RB1CC1: variants seen among roughly 807,000 people sequenced by gnomAD.
RB1CC1 encodes RB1 inducible coiled-coil 1.
RB1CC1 carries 46 observed loss-of-function variants against 177.5 expected under a neutral mutation model. The observed-to-expected ratio is 0.26, with a 90% CI of 0.20 to 0.33. The LOEUF is 0.33. Among genes scored for constraint, RB1CC1 ranks in the 10% least tolerant of loss-of-function variants. RB1CC1 has a pLI of 1.00. For missense variants in RB1CC1, 1,703 were observed against 1,816.3 expected (o/e 0.94, Z 1.13); for synonymous variants, 666 against 613.6 (o/e 1.09, Z -1.26).
chr8:52,649,441 T>A (rs1850366988), intron 15 of RB1CC1, among the ~76,000 whole-genome samples: 1 of 152,170 alleles, frequency 6.6e-6, no homozygotes, highest in South Asian at 2.1e-4. Context: ...AAAATTTACA[T>A]TGAACATAAA....
intron 1 of RB1CC1, among the ~76,000 whole-genome samples, chr8:52,707,021 G>C (rs1235189925): frequency 1.3e-5 from 2 of 152,086 alleles, no homozygotes; most frequent in Non-Finnish European, 2.9e-5. Context: ...ATGAGATTTG[G>C]AATCAAAAGA....
chr8:52,658,506 G>A (rs1370264020), intron 13 of RB1CC1, among the ~76,000 whole-genome samples: 1 of 149,876 alleles, frequency 6.7e-6, no homozygotes. Context: ...GAACATGGGA[G>A]GTGAAGGTTG....
chr8:52,681,611 G>C (rs756361208), intron 5 of RB1CC1, among the ~76,000 whole-genome samples: 13 of 152,122 alleles, frequency 8.5e-5, no homozygotes, highest in Non-Finnish European at 1.8e-4. Flanking sequence ...AAAGAGGGCA[G>C]GCATGGTGGC....
intron 8 of RB1CC1, among the ~76,000 whole-genome samples, chr8:52,662,642 A>G (rs1315819257): frequency 6.6e-6 from 1 of 152,038 alleles, no homozygotes; most frequent in African/African-American, 2.4e-5. Context: ...ATGACCAGCT[A>G]AAGGACAAGT....
At chr8:52,651,431 A>T (rs1850574474) in intron 15 of RB1CC1, among the ~76,000 whole-genome samples, 1 of 152,246 alleles carries the variant, frequency 6.6e-6, no homozygotes, top group African/African-American at 2.4e-5. Context: ...GGCCCACAAA[A>T]CTTAAACTAC....
chr8:52,641,319 G>C (rs1849554236), intron 18 of RB1CC1, among the ~76,000 whole-genome samples: 1 of 148,804 alleles, frequency 6.7e-6, no homozygotes, highest in Non-Finnish European at 1.5e-5. Context: ...AGGAGGCGGA[G>C]GTTGCAGTGA....
chr8:52,689,128 A>G (rs1854575866), intron 1 of RB1CC1, among the ~76,000 whole-genome samples: 1 of 152,068 alleles, frequency 6.6e-6, no homozygotes, highest in Admixed American at 6.5e-5. Context: ...ACAAATCCAA[A>G]TCAATCTCCT....
At chr8:52,637,268 C>T (rs1401686835) in intron 18 of RB1CC1, among the ~76,000 whole-genome samples, 6 of 152,190 alleles carry the variant, frequency 3.9e-5, no homozygotes, top group South Asian at 2.1e-4. Context: ...AAGTATTGAA[C>T]TTCTTTTGTT....
chr8:52,637,878 C>G (rs928418365), intron 18 of RB1CC1, among the ~76,000 whole-genome samples: 1 of 152,076 alleles, frequency 6.6e-6, no homozygotes, highest in Non-Finnish European at 1.5e-5. Context: ...ACCATGTTGG[C>G]CAGGCTGATC....
At chr8:52,636,174 G>T (rs1214945411) in intron 18 of RB1CC1, 105 bp from the exon 19 acceptor site, 1 of 1,282,004 alleles carries the variant, frequency 7.8e-7, no homozygotes, top group Non-Finnish European at 1.0e-6. Context: ...CAATTTAAGG[G>T]TTTTCATAAA....
At position 52,707,056 on chromosome 8, in the gene RB1CC1, G is replaced by A. The variant is rs116587813; in HGVS notation, c.-167+7019C>T. On this transcript the variant is annotated intron_variant, in intron 1 of 23. Transcript: ENST00000025008. ...AAGTATATTCAAGTCCTGGCCCAAT[G>A]TGACCTGAACTGACTTCACCTAACA... Among the ~76,000 whole-genome samples, 926 of 152,318 alleles carry A rather than the reference G, an allele frequency of 6.1e-3. 12 individuals are homozygous for A. Among genetic ancestry groups the A allele is most frequent in the African/African-American group, 0.022 (898 of 41,576 alleles).
chr8:52,657,087 A>T lies in RB1CC1; in HGVS notation c.2742T>A (p.Ala914=), dbSNP rs1162057459. 6.2e-7 allele frequency: 1 copy of T among 1,611,060 alleles called. No individual in the cohort carries two copies. Among genetic ancestry groups the T allele is most frequent in the Admixed American group, 1.7e-5 (1 of 59,390 alleles). Residue 914 remains alanine (A), a synonymous_variant, in exon 15 of 24, where the codon GCT becomes GCA. Coordinates refer to ENST00000025008, the MANE Select transcript of RB1CC1 (RefSeq NM_014781.5). ...EVLQNKDNEF[A]LVKHEKEAVI... ...CAGCTTCTTTTTCATGTTTAACCAA[A>T]GCAAATTCATTATCTTTATTTTGTA...
chr8:52,703,882 CA>C (rs111265405), intron 1 of RB1CC1, among the ~76,000 whole-genome samples: 6,153 of 152,150 alleles, frequency 0.04, 429 homozygotes, highest in African/African-American at 0.14. Context: ...CTACGGCAAC[CA>C]AAACTGAAAT....
At chr8:52,648,073 A>AG (rs1850215787) in intron 15 of RB1CC1, among the ~76,000 whole-genome samples, 1 of 152,134 alleles carries the variant, frequency 6.6e-6, no homozygotes, top group Non-Finnish European at 1.5e-5. Flanking sequence ...GAGATAATAC[A>AG]GGGACAAGAG....
At chr8:52,646,511 G>A (rs1194879348) in intron 15 of RB1CC1, among the ~76,000 whole-genome samples, 4 of 152,154 alleles carry the variant, frequency 2.6e-5, no homozygotes, top group Admixed American at 6.5e-5. Flanking sequence ...TTTACACAAT[G>A]ACTTAGGAAA....
chr8:52,642,398 A>C lies in RB1CC1; in HGVS notation c.4290T>G (p.Asp1430Glu). ...CCATTGCTGAATCCACTCTTCCTTC[A>C]TCTGCTGTTTCCACAGCGGATCTAT... is the stretch of plus-strand genomic sequence containing the variant. ...ESDRSAVETA[D>E]EGRVDSAMET... Residue 1430 changes from aspartate to glutamate, a missense_variant, in exon 18 of 24, where the codon GAT (aspartate) becomes GAG (glutamate). Asp to Glu is a conservative substitution (Grantham distance 45). Coordinates refer to ENST00000025008, the MANE Select transcript of RB1CC1 (RefSeq NM_014781.5). The C allele has an allele frequency of 6.2e-7, 1 of 1,614,056 alleles. No homozygotes were observed. The highest frequency in any genetic ancestry group is 8.5e-7 in the Non-Finnish European group (1 of 1,179,972).
At chr8:52,681,515 A>C (rs1853716464) in intron 5 of RB1CC1, among the ~76,000 whole-genome samples, 1 of 152,182 alleles carries the variant, frequency 6.6e-6, no homozygotes, top group Non-Finnish European at 1.5e-5. Context: ...AAGAAATATC[A>C]CCTCTAATTC....
At chr8:52,665,705 A>C (rs1159626868) in intron 8 of RB1CC1, among the ~76,000 whole-genome samples, 1 of 152,204 alleles carries the variant, frequency 6.6e-6, no homozygotes, top group Non-Finnish European at 1.5e-5. Flanking sequence ...CTGTGGCTCT[A>C]GGAAAGCAGT....
rs555985370 is a variant in RB1CC1, at chr8:52,622,762, ATAGT to A, written c.*1016_*1019del. 6.1e-4 allele frequency: 93 copies of A among 152,118 alleles called. No homozygotes were observed. The highest frequency in any genetic ancestry group is 8.7e-4 in the Non-Finnish European group (59 of 67,564). The allele number at this position is 152,118 out of a possible 1,614,324, so 9.4% of individuals were successfully genotyped here. ...CACTGTTTACCCTGTTACATAGTAT[ATAGT>A]TAAAGAACATTTTTGTAATAAACAT... On this transcript the variant is annotated 3_prime_UTR_variant, in exon 24 of 24. Coordinates refer to ENST00000025008, the MANE Select transcript of RB1CC1 (RefSeq NM_014781.5).
Sources: allele counts gnomAD v4.1 joint callset (sites outside exome capture counted in the v4.1 genomes callset), GRCh38; gene constraint gnomAD v4.1.1; transcripts MANE v1.5; gene names NCBI Gene and HGNC (gene_info 2026-07-23, HGNC 2026-07-21).